The following KAT7 variants were observed in gnomAD, a reference collection of about 807,000 sequenced individuals.
KAT7 encodes lysine acetyltransferase 7.
Under a neutral mutation model 82.1 loss-of-function variants are expected in KAT7, and 10 were observed. That is an observed-to-expected ratio of 0.12 (90% CI 0.08 to 0.21). The LOEUF (loss-of-function observed/expected upper bound fraction) is 0.21. KAT7 is among the 10% of genes least tolerant of loss of function. KAT7 has a pLI of 1.00. For synonymous variants in KAT7, 250 were observed against 262.5 expected (o/e 0.95, Z 0.46); for missense variants, 378 against 760.9 (o/e 0.50, Z 5.92).
At position 49,827,843 on chromosome 17, in the gene KAT7, C is replaced by T; in HGVS notation, c.*341C>T. On this transcript the variant is annotated 3_prime_UTR_variant, in exon 15 of 15. Transcript: ENST00000259021. ...CTCGCCCCATGAGGTTGTGTTGTGTCTTCTAAGCGTGGTACTAGTGCTTGC... is the reference window on the plus strand; with the variant it reads ...CTCGCCCCATGAGGTTGTGTTGTGTTTTCTAAGCGTGGTACTAGTGCTTGC... 1 of 230,596 alleles carries T rather than the reference C, an allele frequency of 4.3e-6. No homozygotes were observed. Among genetic ancestry groups the T allele is most frequent in the Non-Finnish European group, 8.5e-6 (1 of 118,008 alleles). 14.3% of individuals were successfully genotyped at this position (230,596 alleles called of 1,614,324 possible). A position where few individuals can be genotyped will look rare whatever the true frequency, so the allele number is the denominator to read the frequency against.
chr17:49,815,553 A>G (rs1469468850), intron 7 of KAT7: 3 of 353,478 alleles, frequency 8.5e-6, no homozygotes, highest in South Asian at 9.1e-5. Flanking sequence ...CTTTTCAGAG[A>G]TAGAAGAATG....
At position 49,827,526 on chromosome 17, in the gene KAT7, C is replaced by T. The variant is rs1401298905; in HGVS notation, c.*24C>T. The T allele has an allele frequency of 1.8e-5, 24 of 1,358,766 alleles. No homozygotes were observed. The highest frequency in any genetic ancestry group is 2.4e-5 in the Non-Finnish European group (23 of 948,040). 84.2% of individuals were successfully genotyped at this position (1,358,766 alleles called of 1,614,324 possible). On this transcript the variant is annotated 3_prime_UTR_variant, in exon 15 of 15. Transcript: ENST00000259021. ...AAAGTGACCTGTCATTCCGAGCCAG[C>T]GAACCCCAGCAGTAGGAATCCGTAC...
Position 49,805,463 on chromosome 17 carries a change from T to G in KAT7, c.663+18T>G. Reference sequence around the variant, plus strand: ...AATGCAAGGTAATTGTGCTCTCATTTATTCAACACATGCTTATTGAGTGCT... The same window carrying G: ...AATGCAAGGTAATTGTGCTCTCATTGATTCAACACATGCTTATTGAGTGCT... On this transcript the variant is annotated intron_variant, in intron 5 of 14. Coordinates refer to ENST00000259021, the MANE Select transcript of KAT7 (RefSeq NM_007067.5). The G allele has an allele frequency of 6.4e-7, 1 of 1,566,708 alleles. No homozygotes were observed. The highest frequency in any genetic ancestry group is 8.8e-7 in the Non-Finnish European group (1 of 1,137,278).
intron 6 of KAT7, 95 bp from the exon 7 acceptor site, chr17:49,811,381 A>T: frequency 1.8e-6 from 1 of 556,460 alleles, no homozygotes; most frequent in Non-Finnish European, 3.1e-6. Context: ...TGCTGAGATT[A>T]CAGGCGTGAG....
intron 2 of KAT7, 120 bp downstream of exon 2, chr17:49,792,153 G>A: frequency 5.5e-6 from 5 of 912,918 alleles, no homozygotes; most frequent in Non-Finnish European, 8.3e-6. Flanking sequence ...CAGTGCACCA[G>A]ATGATTGGTA....
At chr17:49,812,234 C>CT (rs35069050) in intron 7 of KAT7, among the ~76,000 whole-genome samples, 46,420 of 119,140 alleles carry the variant, frequency 0.39, 10,335 homozygotes, top group Middle Eastern at 0.58. Context: ...GCTTAAAAAT[C>CT]TTTTTTTTTT....
intron 6 of KAT7, among the ~76,000 whole-genome samples, chr17:49,810,499 C>T (rs1477364008): frequency 6.6e-6 from 1 of 152,178 alleles, no homozygotes; most frequent in Non-Finnish European, 1.5e-5. Context: ...TCCAGTAATC[C>T]ACCTGCCTTG....
chr17:49,826,653 C>T (rs368711533), intron 13 of KAT7, 40 bp from the exon 14 acceptor site: 53 of 1,418,668 alleles, frequency 3.7e-5, no homozygotes, highest in Non-Finnish European at 5.0e-5. Flanking sequence ...GGGTGGGAAC[C>T]TGCACTTTGG....
At chr17:49,824,914 T>A (rs11653045) in intron 12 of KAT7, among the ~76,000 whole-genome samples, 1 of 152,166 alleles carries the variant, frequency 6.6e-6, no homozygotes, top group South Asian at 2.1e-4. Context: ...AAAGATAAGG[T>A]CTATTACACC....
At chr17:49,801,554 A>G (rs944567074) in intron 4 of KAT7, among the ~76,000 whole-genome samples, 1 of 151,998 alleles carries the variant, frequency 6.6e-6, no homozygotes, top group Non-Finnish European at 1.5e-5. Context: ...CAGTGGTGCA[A>G]TCTCAGCTCA....
chr17:49,791,501 T>TA (rs1312453264), intron 1 of KAT7, among the ~76,000 whole-genome samples: 1 of 152,022 alleles, frequency 6.6e-6, no homozygotes, highest in African/African-American at 2.4e-5. Flanking sequence ...CTACTAAAAA[T>TA]ACAAAAATTA....
intron 8 of KAT7, among the ~76,000 whole-genome samples, chr17:49,816,548 G>A (rs1264534680): frequency 3.3e-5 from 5 of 152,120 alleles, no homozygotes; most frequent in Non-Finnish European, 5.9e-5. Context: ...GGGAAGCTCA[G>A]TTTTAAAGTG....
At chr17:49,827,028 CCA>C (rs1485261199) in intron 14 of KAT7, 3 of 469,094 alleles carry the variant, frequency 6.4e-6, no homozygotes, top group Non-Finnish European at 1.1e-5. Flanking sequence ...TTAAGCAGCT[CCA>C]GTTAAGCAGC....
Position 49,827,492 on chromosome 17 carries a change from AGG to A in KAT7, c.1828_1829del (p.Gly610HisfsTer4), listed in dbSNP as rs2074382159. On this transcript the variant is annotated frameshift_variant, in exon 15 of 15. Transcript: ENST00000259021. LOFTEE classifies it high-confidence loss of function. ...AGCTGCTTAAAATGGACCCCTCCCA[AGG>A]GCACTTAAAGTGACCTGTCATTCCG... The A allele has an allele frequency of 6.2e-7, 1 of 1,607,760 alleles. No individual in the cohort carries two copies. The highest frequency in any genetic ancestry group is 2.2e-5 in the East Asian group (1 of 44,876).
intron 7 of KAT7, among the ~76,000 whole-genome samples, chr17:49,813,156 G>A (rs2074191207): frequency 6.6e-6 from 1 of 151,974 alleles, no homozygotes; most frequent in Non-Finnish European, 1.5e-5. Context: ...ATAGTGATAG[G>A]TAGTTTTTCA....
chr17:49,805,158 G>C (rs1376547485), intron 4 of KAT7, among the ~76,000 whole-genome samples: 2 of 152,208 alleles, frequency 1.3e-5, no homozygotes, highest in Non-Finnish European at 2.9e-5. Flanking sequence ...ACATAAGCAT[G>C]TTCAAAGACT....
chr17:49,789,079 C>T (rs2073847973), intron 1 of KAT7: 2 of 404,544 alleles, frequency 4.9e-6, no homozygotes, highest in South Asian at 9.0e-5. Context: ...CGGAGGCGTT[C>T]TTATTAATTG....
intron 6 of KAT7, 146 bp from the exon 7 acceptor site, chr17:49,811,330 C>T (rs1325796249): frequency 4.6e-6 from 2 of 430,784 alleles, no homozygotes; most frequent in East Asian, 7.4e-5. Flanking sequence ...TGGTCTTGAA[C>T]TCCTGATCTC....
At chr17:49,824,113 T>G (rs2074338648) in intron 12 of KAT7, among the ~76,000 whole-genome samples, 1 of 152,172 alleles carries the variant, frequency 6.6e-6, no homozygotes, top group Non-Finnish European at 1.5e-5. Context: ...AAAATAAGTT[T>G]ATGTATTGAT....
Sources: gnomAD v4.1 joint callset for allele counts (sites outside exome capture counted in the v4.1 genomes callset) on GRCh38, gnomAD v4.1.1 for gene constraint, MANE v1.5 for transcripts, NCBI Gene and HGNC (gene_info 2026-07-23, HGNC 2026-07-21) for gene names.